The following CR2 variants were observed in gnomAD, a reference collection of about 807,000 sequenced individuals.
CR2 encodes the protein complement C3d receptor 2, also known as complement receptor type 2.
Under a neutral mutation model 123.0 loss-of-function variants are expected in CR2, and 96 were observed. The observed-to-expected ratio is 0.78, with a 90% CI of 0.66 to 0.93. The LOEUF (loss-of-function observed/expected upper bound fraction) is 0.93, where lower values mean the gene tolerates loss of function less well. Among genes scored for constraint, CR2 ranks in the 40% least tolerant of loss-of-function variants. The probability of loss-of-function intolerance (pLI) is 0.00; values close to 1 mark genes in which losing one functional copy is unlikely to be tolerated. For missense variants in CR2, 1,258 were observed against 1,361.0 expected, an observed-to-expected ratio of 0.92 and a Z score of 1.19; for synonymous variants, 484 against 469.5, an observed-to-expected ratio of 1.03 and a Z score of -0.40.
At chr1:207,474,407 T>G in intron 13 of CR2, 84 bp downstream of exon 13, 8 of 1,016,494 alleles carry the variant, frequency 7.9e-6, no homozygotes, top group Non-Finnish European at 1.1e-5. Flanking sequence ...TACTGCTGCT[T>G]CAGCAGTCTT....
intron 2 of CR2, chr1:207,468,275 G>A (rs981835391): frequency 1.9e-6 from 1 of 522,922 alleles, no homozygotes; most frequent in African/African-American, 1.9e-5. Context: ...TGGACAGCAT[G>A]TGGCCCAGGA....
At chr1:207,488,885 T>G (rs1658817647) in intron 19 of CR2, among the ~76,000 whole-genome samples, 1 of 152,186 alleles carries the variant, frequency 6.6e-6, no homozygotes, top group Non-Finnish European at 1.5e-5. Context: ...AGTTTATGAA[T>G]GAGAAAGATT....
Position 207,470,903 on chromosome 1 carries a change from A to G in CR2, c.1389A>G (p.Val463=). 6.2e-7 allele frequency: 1 copy of G among 1,613,790 alleles called. No homozygotes were observed. The highest frequency in any genetic ancestry group is 1.1e-5 in the South Asian group (1 of 91,084). Residue 463 remains valine (V), a synonymous_variant, in exon 7 of 20, where the codon GTA becomes GTG. Coordinates refer to ENST00000367057, the MANE Select transcript of CR2 (RefSeq NM_001006658.3). The part of the protein sequence containing the change: ...CTSEGVWTPP[V]PQCKVAACEA... Reference sequence around the variant, plus strand: ...CTGAGGGGGTGTGGACACCCCCTGTACCCCAATGCAAAGGTGCCAGGCCTC... The same window carrying G: ...CTGAGGGGGTGTGGACACCCCCTGTGCCCCAATGCAAAGGTGCCAGGCCTC...
In CR2 at chr1:207,475,076, A is replaced by G; in HGVS notation, c.2576A>G (p.Asn859Ser). Reference protein sequence around the residue: ...NPEVKHGYKLNKTHSAYSHND... With the variant: ...NPEVKHGYKLSKTHSAYSHND... The stretch of plus-strand genomic sequence containing the variant: ...GAAGTCAAACATGGGTACAAGCTCA[A>G]TAAAACACATTCTGCATATTCCCAC... Residue 859 changes from asparagine to serine, a missense_variant, in exon 14 of 20, where the codon AAT becomes AGT. Physicochemically the swap from Asn to Ser is conservative, Grantham distance 46. Coordinates refer to ENST00000367057, the MANE Select transcript of CR2 (RefSeq NM_001006658.3). 6.2e-7 allele frequency: 1 copy of G among 1,613,134 alleles called. No homozygotes were observed. Among genetic ancestry groups the G allele is most frequent in the Non-Finnish European group, 8.5e-7 (1 of 1,179,314 alleles).
Position 207,472,938 on chromosome 1 carries a change from T to G in CR2, c.1737T>G (p.Asn579Lys). Residue 579 changes from asparagine (N) to lysine (K), a missense_variant, in exon 10 of 20, where the codon AAT becomes AAG. Asn to Lys is a moderately conservative substitution (Grantham distance 94, BLOSUM62 0). Coordinates refer to ENST00000367057, the MANE Select transcript of CR2 (RefSeq NM_001006658.3). ...AGAGCACCATCCGTTGTACAAGCAA[T>G]GATCAAGAAAGAGGCACCTGGAGTG... ...IGESTIRCTS[N>K]DQERGTWSGP... is the part of the protein sequence containing the mutation. 1 of 1,614,020 alleles carries G rather than the reference T, an allele frequency of 6.2e-7. No individual in the cohort carries two copies. The highest frequency in any genetic ancestry group is 8.5e-7 in the Non-Finnish European group (1 of 1,179,962).
chr1:207,460,170 G>A (rs1311921601), intron 1 of CR2, among the ~76,000 whole-genome samples: 1 of 152,140 alleles, frequency 6.6e-6, no homozygotes, highest in African/African-American at 2.4e-5. Context: ...GTAGTATCAG[G>A]ATCATGAAGT....
chr1:207,485,316 T>C (rs1305471129), intron 18 of CR2, 148 bp from the exon 19 acceptor site: 1 of 614,652 alleles, frequency 1.6e-6, no homozygotes, highest in East Asian at 3.1e-5. Context: ...TGCACATGTA[T>C]CCCAGAACTT....
chr1:207,469,101 T>C (rs1259572297), intron 4 of CR2, 49 bp from the exon 5 acceptor site: 1 of 1,528,606 alleles, frequency 6.5e-7, no homozygotes, highest in Non-Finnish European at 9.1e-7. Flanking sequence ...GCTGCTGTTC[T>C]TCAGCACAAA....
rs1658330300 is a variant in CR2 at position 207,473,032 on chromosome 1, T to C, written c.1831T>C (p.Tyr611His). The change falls in exon 10 of 20, where the codon TAC (tyrosine) becomes CAC (histidine). Residue 611 changes from tyrosine to histidine, a missense_variant. Tyr to His is a moderately conservative substitution (Grantham distance 83). Transcript: ENST00000367057. ...CTCACATGTCCATATTGCAAATGGATACAAGATATCTGGCAAGGAAGCCCC... is the reference window on the plus strand; with the variant it reads ...CTCACATGTCCATATTGCAAATGGACACAAGATATCTGGCAAGGAAGCCCC... The part of the protein sequence containing the change: ...QCSHVHIANG[Y>H]KISGKEAPYF... 1 of 1,613,874 alleles carries C rather than the reference T, an allele frequency of 6.2e-7. No homozygotes were observed. Among genetic ancestry groups the C allele is most frequent in the Admixed American group, 1.7e-5 (1 of 59,954 alleles).
chr1:207,469,009 GGT>G, intron 4 of CR2, 110 bp downstream of exon 4: 1 of 1,407,346 alleles, frequency 7.1e-7, no homozygotes, highest in Non-Finnish European at 1.0e-6. Context: ...GGCAGTCTGG[GGT>G]AGGGTTGTGA....
rs530805011 is a variant in CR2, at chr1:207,480,413, AT to A, written c.3188+367del. ...TTTGTCATTTTCATCTTCTGTCTTGATTTTTTTCATTTAGACTCATGTTTAT... is the reference window on the plus strand; with the variant it reads ...TTTGTCATTTTCATCTTCTGTCTTGATTTTTTCATTTAGACTCATGTTTAT... On this transcript the variant is annotated intron_variant, in intron 18 of 19. Coordinates refer to ENST00000367057, the MANE Select transcript of CR2 (RefSeq NM_001006658.3). Among the ~76,000 whole-genome samples, 845 of 151,112 alleles carry A rather than the reference AT, an allele frequency of 5.6e-3. 7 individuals are homozygous for A. Among genetic ancestry groups the A allele is most frequent in the African/African-American group, 0.02 (803 of 41,060 alleles).
At chr1:207,461,891 T>G (rs1657975974) in intron 1 of CR2, among the ~76,000 whole-genome samples, 1 of 152,096 alleles carries the variant, frequency 6.6e-6, no homozygotes, top group Non-Finnish European at 1.5e-5. Flanking sequence ...AATTCACATG[T>G]CATCTCAAGT....
At chr1:207,481,848 C>G (rs17186771) in intron 18 of CR2, among the ~76,000 whole-genome samples, 25,409 of 151,830 alleles carry the variant, frequency 0.17, 2,378 homozygotes, top group Middle Eastern at 0.28. Flanking sequence ...TATCTTTATA[C>G]AGTCATTAAT....
intron 1 of CR2, among the ~76,000 whole-genome samples, chr1:207,462,039 G>C (rs1355729735): frequency 2.6e-5 from 4 of 152,058 alleles, no homozygotes; most frequent in Non-Finnish European, 5.9e-5. Context: ...TACTGTGTTA[G>C]GGTGAGGTTA....
intron 16 of CR2, among the ~76,000 whole-genome samples, chr1:207,478,898 G>A (rs1029775306): frequency 6.6e-6 from 1 of 152,020 alleles, no homozygotes; most frequent in Non-Finnish European, 1.5e-5. Flanking sequence ...AAAAAAAAAG[G>A]CCAGTGAGTT....
At chr1:207,483,183 C>T (rs190675567) in intron 18 of CR2, among the ~76,000 whole-genome samples, 1 of 152,250 alleles carries the variant, frequency 6.6e-6, no homozygotes, top group East Asian at 1.9e-4. Flanking sequence ...CAAGTCATGC[C>T]ACCTAAAACA....
At chr1:207,484,740 G>T (rs954181533) in intron 18 of CR2, among the ~76,000 whole-genome samples, 1 of 152,124 alleles carries the variant, frequency 6.6e-6, no homozygotes, top group Non-Finnish European at 1.5e-5. Context: ...AGTAATTCTG[G>T]CAAAGTGGTT....
chr1:207,481,978 A>T (rs915160080), intron 18 of CR2, among the ~76,000 whole-genome samples: 1 of 151,888 alleles, frequency 6.6e-6, no homozygotes, highest in East Asian at 1.9e-4. Flanking sequence ...ATTTTCATTT[A>T]TTTGTTTTTG....
At chr1:207,462,962 G>A (rs1658002969) in intron 1 of CR2, among the ~76,000 whole-genome samples, 1 of 152,190 alleles carries the variant, frequency 6.6e-6, no homozygotes, top group Non-Finnish European at 1.5e-5. Context: ...TTCTAGAGTT[G>A]ACTGATCCGT....
Sources: allele counts gnomAD v4.1 joint callset (sites outside exome capture counted in the v4.1 genomes callset), GRCh38; gene constraint gnomAD v4.1.1; transcripts MANE v1.5; gene names NCBI Gene and HGNC (gene_info 2026-07-23, HGNC 2026-07-21).